Variants in ASAP1 observed in about 807,000 individuals in gnomAD.
The protein encoded by ASAP1 is ArfGAP with SH3 domain, ankyrin repeat and PH domain 1, also known as arf-GAP with SH3 domain, ANK repeat and PH domain-containing protein 1.
In ASAP1, 43 loss-of-function variants were observed where a neutral mutation model predicts 145.2. The observed-to-expected ratio is 0.30, with a 90% CI of 0.23 to 0.38. The LOEUF (loss-of-function observed/expected upper bound fraction) is 0.38, where lower values mean the gene tolerates loss of function less well. ASAP1 is among the 10% of genes least tolerant of loss of function. The pLI is 1.00. For missense variants in ASAP1, 1,018 were observed against 1,355.3 expected (o/e 0.75, Z 3.91); for synonymous variants, 546 against 515.5 (o/e 1.06, Z -0.80).
At chr8:130,345,317 A>T (rs567540997) in intron 3 of ASAP1, among the ~76,000 whole-genome samples, 1 of 152,314 alleles carries the variant, frequency 6.6e-6, no homozygotes, top group Admixed American at 6.5e-5. Context: ...TCCCTTTCAT[A>T]CCATATTGTG....
chr8:130,367,693 T>C (rs1046588217), intron 2 of ASAP1, among the ~76,000 whole-genome samples: 1 of 152,182 alleles, frequency 6.6e-6, no homozygotes, highest in African/African-American at 2.4e-5. Flanking sequence ...TTGACATCAG[T>C]GTGACTACCA....
At chr8:130,103,219 T>G (rs1041888828) in intron 24 of ASAP1, among the ~76,000 whole-genome samples, 3 of 152,146 alleles carry the variant, frequency 2.0e-5, no homozygotes, top group African/African-American at 7.2e-5. Flanking sequence ...TATAATAGTC[T>G]CCTACAATGA....
chr8:130,190,465 C>T (rs1414482984), intron 5 of ASAP1, among the ~76,000 whole-genome samples: 1 of 152,074 alleles, frequency 6.6e-6, no homozygotes, highest in East Asian at 1.9e-4. Context: ...TGACTGTGAG[C>T]ATGTGAATTT....
At chr8:130,061,199 G>C (rs1385744451) in intron 27 of ASAP1, 130 bp from the exon 28 acceptor site, 1 of 1,125,208 alleles carries the variant, frequency 8.9e-7, no homozygotes, top group Non-Finnish European at 1.2e-6. Context: ...ATGAACTCAG[G>C]GGCCAGGCCC....
At chr8:130,173,716 T>C (rs186212144) in intron 9 of ASAP1, among the ~76,000 whole-genome samples, 121 of 150,422 alleles carry the variant, frequency 8.0e-4, no homozygotes, top group African/African-American at 2.7e-3. Flanking sequence ...TGCAGTGAGC[T>C]AGGATTGTAC....
chr8:130,197,082 G>A (rs1815545383), intron 5 of ASAP1, among the ~76,000 whole-genome samples: 2 of 152,210 alleles, frequency 1.3e-5, no homozygotes, highest in South Asian at 2.1e-4. Flanking sequence ...CCTTGCTGGT[G>A]TCCCAGCACC....
chr8:130,435,146 A>C (rs1257328576), intron 1 of ASAP1, among the ~76,000 whole-genome samples: 1 of 152,144 alleles, frequency 6.6e-6, no homozygotes, highest in East Asian at 1.9e-4. Context: ...TCAGGACAGA[A>C]GCTACCATCC....
chr8:130,366,697 A>C (rs1400476717), intron 2 of ASAP1, among the ~76,000 whole-genome samples: 1 of 152,080 alleles, frequency 6.6e-6, no homozygotes, highest in Non-Finnish European at 1.5e-5. Context: ...TAGGCAAGTT[A>C]TTTAATTTAA....
chr8:130,341,535 T>C (rs1330235784), intron 3 of ASAP1, among the ~76,000 whole-genome samples: 1 of 152,206 alleles, frequency 6.6e-6, no homozygotes, highest in African/African-American at 2.4e-5. Flanking sequence ...AAAATTAAAA[T>C]ATTACTAACA....
At chr8:130,242,892 T>C (rs1364260334) in intron 3 of ASAP1, among the ~76,000 whole-genome samples, 7 of 152,144 alleles carry the variant, frequency 4.6e-5, no homozygotes, top group Non-Finnish European at 8.8e-5. Flanking sequence ...TACCTGTGGG[T>C]TCCACAGGCC....
At chr8:130,262,408 AAAAAAAAAAGAGAGAGAGAGAGAG>A (rs1819962622) in intron 3 of ASAP1, among the ~76,000 whole-genome samples, 2 of 115,712 alleles carry the variant, frequency 1.7e-5, no homozygotes, top group African/African-American at 7.1e-5. Context: ...AAAAAAAAAA[AAAAAAAAAAGAGAGAGAGAGAGAG>A]AGAGAGAGAG....
At chr8:130,173,476 T>C (rs1813726795) in intron 9 of ASAP1, among the ~76,000 whole-genome samples, 1 of 152,116 alleles carries the variant, frequency 6.6e-6, no homozygotes, top group Non-Finnish European at 1.5e-5. Context: ...TCAGTGGACA[T>C]GCAAGGGCTA....
chr8:130,318,045 C>T (rs925154054), intron 3 of ASAP1, among the ~76,000 whole-genome samples: 5 of 152,114 alleles, frequency 3.3e-5, no homozygotes, highest in Admixed American at 3.3e-4. Flanking sequence ...TATGACAAGA[C>T]AAAAAGGAAT....
At chr8:130,328,019 G>A (rs6470812) in intron 3 of ASAP1, among the ~76,000 whole-genome samples, 101,263 of 151,558 alleles carry the variant, frequency 0.67, 34,862 homozygotes, top group African/African-American at 0.83. Context: ...TTTTGCAAAA[G>A]AAAAATATAT....
At position 130,358,618 on chromosome 8, in the gene ASAP1, C is replaced by G. The variant is rs906826354; in HGVS notation, c.60-475G>C. On this transcript the variant is annotated intron_variant, in intron 2 of 29. Transcript: ENST00000518721. The surrounding 1 kb of genome is among the most constrained non-coding windows in gnomAD (Gnocchi z 4.1). ...ACTGAGCGCACACTCCCGCGGCGGG[C>G]GGGCGGGCGGGCGGCGCTCGCGCTG... Among the ~76,000 whole-genome samples, 1 of 145,196 alleles carries G rather than the reference C, an allele frequency of 6.9e-6. No individual in the cohort carries two copies. The highest frequency in any genetic ancestry group is 1.5e-5 in the Non-Finnish European group (1 of 65,504).
chr8:130,375,960 C>T (rs777540811), intron 2 of ASAP1, among the ~76,000 whole-genome samples: 1 of 152,058 alleles, frequency 6.6e-6, no homozygotes, highest in South Asian at 2.1e-4. Flanking sequence ...GTGGGGAAGG[C>T]GGGGAGTTAA....
intron 24 of ASAP1, among the ~76,000 whole-genome samples, chr8:130,101,773 T>C (rs1419351456): frequency 7.1e-6 from 1 of 140,268 alleles, no homozygotes; most frequent in Non-Finnish European, 1.5e-5. Flanking sequence ...GGTTTCACCA[T>C]GTTGCCCAGG....
chr8:130,286,963 G>A (rs367957743), intron 3 of ASAP1, among the ~76,000 whole-genome samples: 3 of 152,124 alleles, frequency 2.0e-5, no homozygotes, highest in East Asian at 3.9e-4. Context: ...AAGAAGGCCC[G>A]TAGGGGGTCA....
At chr8:130,209,773 C>T (rs1816462577) in intron 5 of ASAP1, among the ~76,000 whole-genome samples, 1 of 150,836 alleles carries the variant, frequency 6.6e-6, no homozygotes, top group Non-Finnish European at 1.5e-5. Flanking sequence ...AACTAACTGG[C>T]ATTGTTTTTT....
Sources: gnomAD v4.1 joint callset for allele counts (sites outside exome capture counted in the v4.1 genomes callset) on GRCh38, gnomAD v4.1.1 for gene constraint, Gnocchi (gnomAD v3.1) non-coding constraint, MANE v1.5 for transcripts, NCBI Gene and HGNC (gene_info 2026-07-23, HGNC 2026-07-21) for gene names.